Variants in DPP6 observed in about 807,000 individuals in gnomAD.
DPP6 encodes the protein dipeptidyl peptidase like 6, also known as A-type potassium channel modulatory protein DPP6.
In DPP6, 69 loss-of-function variants were observed where a neutral mutation model predicts 122.6. That is an observed-to-expected ratio of 0.56 (90% CI 0.46 to 0.69). The LOEUF is 0.69. Ranked by LOEUF, DPP6 falls within the 30% of genes least tolerant of loss-of-function variation. The pLI, the probability that DPP6 is intolerant of heterozygous loss-of-function variation, is 0.00. For synonymous variants in DPP6, 418 were observed against 433.1 expected (o/e 0.97, Z 0.43); for missense variants, 928 against 1,116.9 (o/e 0.83, Z 2.41).
At chr7:154,811,066 G>A (rs1799031280) in intron 16 of DPP6, among the ~76,000 whole-genome samples, 1 of 152,156 alleles carries the variant, frequency 6.6e-6, no homozygotes, top group Non-Finnish European at 1.5e-5. Context: ...CTCATCTTAA[G>A]GTAGACATAA....
chr7:153,837,469 G>A, the DPP6 span, among the ~76,000 whole-genome samples: 1 of 152,282 alleles, frequency 6.6e-6, no homozygotes, highest in South Asian at 2.1e-4. Context: ...ATCAATATGA[G>A]ACACTGGATT....
chr7:154,054,137 G>T (rs573109611), intron 1 of DPP6, among the ~76,000 whole-genome samples: 2 of 151,866 alleles, frequency 1.3e-5, no homozygotes, highest in South Asian at 2.1e-4. Context: ...TTTCACAACT[G>T]CTCAACCTGG....
At chr7:154,104,851 C>T (rs530212300) in intron 1 of DPP6, among the ~76,000 whole-genome samples, 3 of 142,488 alleles carry the variant, frequency 2.1e-5, no homozygotes, top group Non-Finnish European at 4.5e-5. Context: ...GGCTGGGAGT[C>T]GTGGCATACC....
chr7:154,077,674 TTA>T (rs201545815), intron 1 of DPP6, among the ~76,000 whole-genome samples: 495 of 133,372 alleles, frequency 3.7e-3, no homozygotes, highest in African/African-American at 0.012. Flanking sequence ...ATTATTATTA[TTA>T]TTTTTTTTTT....
chr7:153,870,182 A>G, the DPP6 span, among the ~76,000 whole-genome samples: 1 of 152,154 alleles, frequency 6.6e-6, no homozygotes, highest in Non-Finnish European at 1.5e-5. Flanking sequence ...TACTTCCTGA[A>G]TCTGAATGTT....
At chr7:154,613,082 C>T (rs1267860566) in intron 5 of DPP6, among the ~76,000 whole-genome samples, 2 of 152,146 alleles carry the variant, frequency 1.3e-5, no homozygotes, top group African/African-American at 2.4e-5. Context: ...AATGAGGGCA[C>T]TAATCTCATT....
In DPP6 at chr7:154,052,868, G is replaced by C. The variant is rs1184973652; in HGVS notation, c.48G>C (p.Arg16Ser). 9.8e-6 allele frequency: 15 copies of C among 1,537,802 alleles called. No homozygotes were observed. The highest frequency in any genetic ancestry group is 1.2e-5 in the Non-Finnish European group (14 of 1,142,520). Residue 16 changes from arginine (R) to serine (S), a missense_variant, in exon 1 of 26, where the codon AGG becomes AGC. Coordinates refer to ENST00000377770, the MANE Select transcript of DPP6 (RefSeq NM_130797.4). This position sits in a 1 kb window ranked among gnomAD's most constrained non-coding sequence, Gnocchi z 4.8. ...TCACTGGCAAGATCAACACCTCGAG[G>C]TCCTTCCCCGCGCCCCCGGAGGCGA... ...QRFTGKINTS[R>S]SFPAPPEASH...
chr7:154,076,770 G>A (rs1803583067), intron 1 of DPP6, among the ~76,000 whole-genome samples: 1 of 152,082 alleles, frequency 6.6e-6, no homozygotes, highest in Non-Finnish European at 1.5e-5. Context: ...AAGTGTCCCT[G>A]GGATCCTACC....
the DPP6 span, among the ~76,000 whole-genome samples, chr7:153,819,116 T>G: frequency 7.9e-6 from 1 of 125,794 alleles, no homozygotes; most frequent in Non-Finnish European, 1.6e-5. Flanking sequence ...CAGAGGTGCA[T>G]GTGCAGGTTT....
At chr7:153,905,935 C>T (rs1799831674) in intron 1 of DPP6, among the ~76,000 whole-genome samples, 1 of 152,138 alleles carries the variant, frequency 6.6e-6, no homozygotes, top group Non-Finnish European at 1.5e-5. Flanking sequence ...GGAAGAGCAG[C>T]AACAGAGAAG....
intron 18 of DPP6, among the ~76,000 whole-genome samples, chr7:154,870,674 G>A (rs769641374): frequency 2.0e-5 from 3 of 151,776 alleles, no homozygotes; most frequent in Non-Finnish European, 2.9e-5. Context: ...CAAGAAATGT[G>A]TGTATTGGCC....
intron 1 of DPP6, among the ~76,000 whole-genome samples, chr7:154,210,254 C>A (rs540487826): frequency 6.6e-6 from 1 of 152,180 alleles, no homozygotes; most frequent in Admixed American, 6.5e-5. Context: ...GACAGTCCTG[C>A]AGTCAATGGC....
chr7:154,430,874 G>C (rs981159541), intron 1 of DPP6, among the ~76,000 whole-genome samples: 2 of 148,744 alleles, frequency 1.3e-5, no homozygotes, highest in Admixed American at 1.4e-4. Context: ...ACCCAGGGAT[G>C]TCTGACTCAT....
At chr7:154,307,456 G>A (rs915741459) in intron 1 of DPP6, among the ~76,000 whole-genome samples, 11 of 152,094 alleles carry the variant, frequency 7.2e-5, no homozygotes, top group Non-Finnish European at 4.4e-5. Flanking sequence ...TCAGAGAGGT[G>A]TCACCTCAAC....
At chr7:154,310,301 G>A (rs1489973713) in intron 1 of DPP6, among the ~76,000 whole-genome samples, 8 of 152,212 alleles carry the variant, frequency 5.3e-5, no homozygotes, top group Non-Finnish European at 7.3e-5. Flanking sequence ...AAGCAAGCAC[G>A]CAACTAGCCT....
the DPP6 span, among the ~76,000 whole-genome samples, chr7:153,803,759 A>G: frequency 1.3e-5 from 2 of 151,438 alleles, no homozygotes; most frequent in Non-Finnish European, 2.9e-5. Context: ...TAAATTATAT[A>G]TAAACTTACA....
intron 1 of DPP6, among the ~76,000 whole-genome samples, chr7:153,918,666 C>T (rs867348804): frequency 6.7e-6 from 1 of 150,228 alleles, no homozygotes; most frequent in African/African-American, 2.5e-5. Context: ...CCAAGCAGAC[C>T]ACTACAGATC....
At chr7:154,777,053 G>A (rs1796619417) in intron 10 of DPP6, among the ~76,000 whole-genome samples, 1 of 152,238 alleles carries the variant, frequency 6.6e-6, no homozygotes, top group East Asian at 1.9e-4. Flanking sequence ...CTTCTCCGAT[G>A]GTTCTCAGAT....
chr7:153,964,978 C>T lies in DPP6; in HGVS notation c.51+77244C>T, dbSNP rs561000067. ...TCTCTTTCTTTCTTTCATTTCTTTT[C>T]CCTTCCTTCCTTCCTTCCTTTCTTC... On this transcript the variant is annotated intron_variant, in intron 1 of 25. Coordinates refer to the DPP6 transcript ENST00000404039. Among the ~76,000 whole-genome samples the T allele has an allele frequency of 7.6e-4, 54 of 71,192 alleles. 1 individual carries two copies. Among genetic ancestry groups the T allele is most frequent in the African/African-American group, 4.2e-3 (43 of 10,128 alleles). The allele number at this position is 71,192 out of a possible 152,430, so 46.7% of individuals were successfully genotyped here.
Sources: allele counts gnomAD v4.1 joint callset (sites outside exome capture counted in the v4.1 genomes callset), GRCh38; gene constraint gnomAD v4.1.1; non-coding constraint Gnocchi (gnomAD v3.1); transcripts MANE v1.5; gene names NCBI Gene and HGNC (gene_info 2026-07-23, HGNC 2026-07-21).